The following ANK3 variants were observed in gnomAD, a reference collection of about 807,000 sequenced individuals.
ANK3 encodes ankyrin-3.
Under a neutral mutation model 370.9 loss-of-function variants are expected in ANK3, and 57 were observed. The ratio of observed to expected loss-of-function variants is 0.15; its 90% confidence interval spans 0.12 to 0.19. The LOEUF (loss-of-function observed/expected upper bound fraction) is 0.19. Among genes scored for constraint, ANK3 ranks in the 10% least tolerant of loss-of-function variants. ANK3 has a pLI of 1.00. For synonymous variants in ANK3, 1,929 were observed against 1,946.3 expected (o/e 0.99, Z 0.23); for missense variants, 4,439 against 5,302.1 (o/e 0.84, Z 5.06).
At chr10:60,103,659 A>C (rs773893423) in intron 28 of ANK3, among the ~76,000 whole-genome samples, 1 of 152,180 alleles carries the variant, frequency 6.6e-6, no homozygotes, top group African/African-American at 2.4e-5. Context: ...TATTAAGTTT[A>C]ATACATGAAG....
chr10:60,488,761 T>C (rs551180903), intron 2 of ANK3, among the ~76,000 whole-genome samples: 1 of 152,358 alleles, frequency 6.6e-6, no homozygotes, highest in South Asian at 2.1e-4. Flanking sequence ...TTTTATTCCT[T>C]TCTTTGCCAA....
chr10:60,479,490 AT>A (rs963148581), intron 2 of ANK3, among the ~76,000 whole-genome samples: 108 of 152,296 alleles, frequency 7.1e-4, no homozygotes, highest in African/African-American at 2.4e-3. Context: ...CTCAGTACTT[AT>A]CCCCATTGTT....
chr10:60,343,851 G>T (rs1183841601), intron 1 of ANK3, among the ~76,000 whole-genome samples: 1 of 152,196 alleles, frequency 6.6e-6, no homozygotes, highest in Non-Finnish European at 1.5e-5. Context: ...AGCATTCCTG[G>T]TTCAGTCTGG....
intron 2 of ANK3, among the ~76,000 whole-genome samples, chr10:60,471,826 G>A (rs375394861): frequency 7.2e-4 from 110 of 151,948 alleles, no homozygotes; most frequent in African/African-American, 2.5e-3. Context: ...TGCATCAAAG[G>A]AACAAGCTGA....
chr10:60,447,498 A>C (rs2064480482), intron 2 of ANK3, among the ~76,000 whole-genome samples: 1 of 152,142 alleles, frequency 6.6e-6, no homozygotes, highest in Non-Finnish European at 1.5e-5. Context: ...CCAGTAGTAA[A>C]AGCATCTCAG....
intron 4 of ANK3, among the ~76,000 whole-genome samples, chr10:60,276,770 A>AT (rs139528941): frequency 0.05 from 7,682 of 152,236 alleles, 659 homozygotes; most frequent in African/African-American, 0.17. Context: ...GATTAGGTTG[A>AT]TTTTTTCCTC....
chr10:60,044,079 C>T, intron 42 of ANK3: 1 of 985,724 alleles, frequency 1.0e-6, no homozygotes, highest in Non-Finnish European at 1.2e-6. Flanking sequence ...ATTACCACAT[C>T]ATCACGTTTT....
intron 23 of ANK3, among the ~76,000 whole-genome samples, chr10:60,164,576 C>T (rs951900309): frequency 6.6e-6 from 1 of 151,842 alleles, no homozygotes; most frequent in Non-Finnish European, 1.5e-5. Context: ...AGCTTTTGTT[C>T]AAAATACTAC....
chr10:60,616,248 A>G (rs1405630868), intron 1 of ANK3, among the ~76,000 whole-genome samples: 1 of 152,152 alleles, frequency 6.6e-6, no homozygotes, highest in Non-Finnish European at 1.5e-5. Flanking sequence ...TCTCAGCTAC[A>G]TTTTCTTATT....
At chr10:60,297,483 A>G (rs1055448199) in intron 1 of ANK3, among the ~76,000 whole-genome samples, 1 of 152,156 alleles carries the variant, frequency 6.6e-6, no homozygotes, top group Non-Finnish European at 1.5e-5. Context: ...TTATATATTT[A>G]TCAACAGTCC....
At chr10:60,613,050 A>G (rs956472022) in intron 2 of ANK3, among the ~76,000 whole-genome samples, 2 of 152,214 alleles carry the variant, frequency 1.3e-5, no homozygotes, top group African/African-American at 4.8e-5. Flanking sequence ...TAGTTGTTTC[A>G]TTCTTGTAGA....
chr10:60,477,198 G>A (rs989092246), intron 2 of ANK3, among the ~76,000 whole-genome samples: 2 of 151,962 alleles, frequency 1.3e-5, no homozygotes, highest in African/African-American at 4.8e-5. Context: ...ACATCTTTCT[G>A]GAGACTTGAT....
At chr10:60,434,904 C>T (rs2132986892) in intron 2 of ANK3, among the ~76,000 whole-genome samples, 1 of 152,268 alleles carries the variant, frequency 6.6e-6, no homozygotes, top group Non-Finnish European at 1.5e-5. Context: ...AGTTTCTTTT[C>T]AGCAAGTATG....
chr10:60,104,309 G>C (rs1210527619), intron 28 of ANK3, among the ~76,000 whole-genome samples: 1 of 131,516 alleles, frequency 7.6e-6, no homozygotes, highest in Non-Finnish European at 1.6e-5. Flanking sequence ...AGTGAGCTGA[G>C]ATTGTGCCAC....
chr10:60,653,037 C>T (rs528045118), intron 1 of ANK3, among the ~76,000 whole-genome samples: 3 of 151,934 alleles, frequency 2.0e-5, no homozygotes, highest in Non-Finnish European at 2.9e-5. Context: ...TTATAAGAGA[C>T]CTCTATAATT....
At chr10:60,702,265 C>CAA (rs5785462) in intron 1 of ANK3, among the ~76,000 whole-genome samples, 149 of 128,974 alleles carry the variant, frequency 1.2e-3, no homozygotes, top group Middle Eastern at 8.1e-3. Flanking sequence ...GACCCTGTCT[C>CAA]AAAAAAAAAA....
chr10:60,104,294 G>A (rs2091809264), intron 28 of ANK3, among the ~76,000 whole-genome samples: 1 of 143,230 alleles, frequency 7.0e-6, no homozygotes, highest in South Asian at 2.3e-4. Flanking sequence ...GGAGGCGGAC[G>A]TTGCAGTGAG....
intron 1 of ANK3, among the ~76,000 whole-genome samples, chr10:60,298,014 A>T (rs2042910519): frequency 6.6e-6 from 1 of 152,138 alleles, no homozygotes; most frequent in Non-Finnish European, 1.5e-5. Flanking sequence ...ATATATATAT[A>T]ACATAGGAAA....
At chr10:60,438,486 T>C (rs1243203838) in intron 2 of ANK3, among the ~76,000 whole-genome samples, 1 of 152,206 alleles carries the variant, frequency 6.6e-6, no homozygotes, top group Admixed American at 6.5e-5. Flanking sequence ...CAGCATCCAG[T>C]ACTTTAGTTG....
Sources: gnomAD v4.1 joint callset for allele counts (sites outside exome capture counted in the v4.1 genomes callset) on GRCh38, gnomAD v4.1.1 for gene constraint, MANE v1.5 for transcripts, NCBI Gene and HGNC (gene_info 2026-07-23, HGNC 2026-07-21) for gene names.